SFMBT2: variants seen among roughly 807,000 people sequenced by gnomAD.
SFMBT2 encodes the protein scm-like with four MBT domains protein 2.
Under a neutral mutation model 110.1 loss-of-function variants are expected in SFMBT2, and 38 were observed. The ratio of observed to expected loss-of-function variants is 0.35; its 90% CI spans 0.27 to 0.45. The LOEUF is 0.45. SFMBT2 is among the 20% of genes least tolerant of loss of function. SFMBT2 has a pLI of 1.00. For missense variants in SFMBT2, 1,011 were observed against 1,094.9 expected, an observed-to-expected ratio of 0.92 and a Z score of 1.08; for synonymous variants, 425 against 425.4, an observed-to-expected ratio of 1.00 and a Z score of 0.01.
Position 7,163,400 on chromosome 10 carries a change from T to G in SFMBT2, c.*370A>C. On this transcript the variant is annotated 3_prime_UTR_variant, in exon 21 of 21. Coordinates refer to ENST00000397167, the MANE Select transcript of SFMBT2 (RefSeq NM_001387889.1). This position sits in a 1 kb window ranked among gnomAD's most constrained non-coding sequence, Gnocchi z 4.8. ...GGAAACACTACAGCATGGCGTGAGG[T>G]TTCTTCCTTGGCGACATTCTTTGTT... 5.2e-6 allele frequency: 1 copy of G among 193,694 alleles called. No homozygotes were observed. The highest frequency in any genetic ancestry group is 1.1e-5 in the Non-Finnish European group (1 of 94,622). The allele number at this position is 193,694 out of a possible 1,614,324, so 12.0% of individuals were successfully genotyped here.
chr10:7,206,519 T>A, intron 11 of SFMBT2: 1 of 985,340 alleles, frequency 1.0e-6, no homozygotes, highest in Non-Finnish European at 1.2e-6. Flanking sequence ...CAGTTTGGAG[T>A]TACTTTGTTT....
At chr10:7,186,290 T>C (rs1434524342) in intron 16 of SFMBT2, among the ~76,000 whole-genome samples, 1 of 151,878 alleles carries the variant, frequency 6.6e-6, no homozygotes, top group East Asian at 1.9e-4. Context: ...CTAGGGATAA[T>C]CTCACATCCT....
Position 7,172,310 on chromosome 10 carries a change from C to T in SFMBT2, c.2152-152G>A. ...ACCCGTGGGCCCTACGAGGCCCTTC[C>T]CAGCCAAAGCAGCTGGACACACTAC... is the stretch of plus-strand genomic sequence containing the variant. On this transcript the variant is annotated intron_variant, in intron 18 of 20. Coordinates refer to ENST00000397167, the MANE Select transcript of SFMBT2 (RefSeq NM_001387889.1). This position sits in a 1 kb window ranked among gnomAD's most constrained non-coding sequence, Gnocchi z 4.6. 1 of 1,455,256 alleles carries T rather than the reference C, an allele frequency of 6.9e-7. No homozygotes were observed. The highest frequency in any genetic ancestry group is 9.0e-7 in the Non-Finnish European group (1 of 1,106,898). 90.1% of individuals were successfully genotyped at this position (1,455,256 alleles called of 1,614,324 possible).
intron 15 of SFMBT2, among the ~76,000 whole-genome samples, chr10:7,195,752 C>T (rs557909774): frequency 2.0e-4 from 31 of 152,264 alleles, no homozygotes; most frequent in South Asian, 1.2e-3. Flanking sequence ...CAGATGCCTC[C>T]GGTGTGATCT....
intron 10 of SFMBT2, 66 bp downstream of exon 10, chr10:7,227,789 G>A (rs139561916): frequency 5.0e-6 from 7 of 1,410,942 alleles, no homozygotes; most frequent in Non-Finnish European, 6.9e-6. Context: ...TAAAAAGCAA[G>A]TTATAAAACT....
chr10:7,265,802 C>G (rs1484629005), intron 7 of SFMBT2, among the ~76,000 whole-genome samples: 6 of 152,116 alleles, frequency 3.9e-5, no homozygotes, highest in African/African-American at 1.4e-4. Context: ...CTTATATCCC[C>G]ATGAATCCCC....
At chr10:7,345,623 C>A (rs1332347258) in intron 4 of SFMBT2, among the ~76,000 whole-genome samples, 1 of 152,232 alleles carries the variant, frequency 6.6e-6, no homozygotes, top group African/African-American at 2.4e-5. Flanking sequence ...TCCCAAAATG[C>A]TGGGATTACA....
At chr10:7,303,108 G>T (rs1217303786) in intron 4 of SFMBT2, among the ~76,000 whole-genome samples, 1 of 152,130 alleles carries the variant, frequency 6.6e-6, no homozygotes, top group Non-Finnish European at 1.5e-5. Context: ...AATGCATTTG[G>T]ATTATTGCAT....
intron 2 of SFMBT2, among the ~76,000 whole-genome samples, chr10:7,379,727 A>T (rs554984554): frequency 6.6e-6 from 1 of 152,366 alleles, no homozygotes; most frequent in South Asian, 2.1e-4. Context: ...AGATCTGAAC[A>T]TCCTGTATGA....
chr10:7,393,031 ATAT>A (rs1233907231), intron 1 of SFMBT2, among the ~76,000 whole-genome samples: 2 of 32,518 alleles, frequency 6.2e-5, no homozygotes, highest in South Asian at 8.9e-4. Flanking sequence ...ATATATATAT[ATAT>A]AATTTTTTTT....
rs560386402 is a variant in SFMBT2 at position 7,334,186 on chromosome 10, C to T, written c.436+33463G>A. Among the ~76,000 whole-genome samples the T allele has an allele frequency of 9.9e-4, 150 of 152,264 alleles. 1 individual carries two copies. The highest frequency in any genetic ancestry group is 3.5e-3 in the African/African-American group (147 of 41,540). ...GAAAAAGGCAAGCGTCATCCACAGCCGGCCTGGCCGCTGACAGCCAGGCAC... is the reference window on the plus strand; with the variant it reads ...GAAAAAGGCAAGCGTCATCCACAGCTGGCCTGGCCGCTGACAGCCAGGCAC... On this transcript the variant is annotated intron_variant, in intron 4 of 20. Transcript: ENST00000397167.
At chr10:7,340,044 C>T (rs913171787) in intron 4 of SFMBT2, among the ~76,000 whole-genome samples, 1 of 152,156 alleles carries the variant, frequency 6.6e-6, no homozygotes, top group African/African-American at 2.4e-5. Flanking sequence ...CAAGTGAAAG[C>T]CATGCAGGTT....
chr10:7,356,616 T>C (rs1423229937), intron 4 of SFMBT2, among the ~76,000 whole-genome samples: 1 of 152,204 alleles, frequency 6.6e-6, no homozygotes, highest in Non-Finnish European at 1.5e-5. Flanking sequence ...TTTCACCATG[T>C]TGGCCAGGCT....
At chr10:7,275,693 A>G (rs1486567649) in intron 7 of SFMBT2, among the ~76,000 whole-genome samples, 1 of 152,202 alleles carries the variant, frequency 6.6e-6, no homozygotes, top group Non-Finnish European at 1.5e-5. Context: ...ACGTCACAAC[A>G]TAATCACATG....
At chr10:7,179,404 A>C (rs12258389) in intron 16 of SFMBT2, among the ~76,000 whole-genome samples, 160 of 149,202 alleles carry the variant, frequency 1.1e-3, no homozygotes, top group African/African-American at 3.8e-3. Flanking sequence ...AAAAAAAAAA[A>C]AAAAAAAAAA....
chr10:7,313,849 T>C (rs1842919579), intron 4 of SFMBT2, among the ~76,000 whole-genome samples: 1 of 152,186 alleles, frequency 6.6e-6, no homozygotes, highest in South Asian at 2.1e-4. Flanking sequence ...ACACCACTTT[T>C]CTCATCTAAA....
chr10:7,353,451 C>A (rs980713683), intron 4 of SFMBT2, among the ~76,000 whole-genome samples: 2 of 151,724 alleles, frequency 1.3e-5, no homozygotes, highest in African/African-American at 4.8e-5. Context: ...TATGATAAAT[C>A]CTTCCAAAGC....
chr10:7,399,166 A>G (rs1250818703), intron 1 of SFMBT2, among the ~76,000 whole-genome samples: 2 of 152,208 alleles, frequency 1.3e-5, no homozygotes, highest in Admixed American at 1.3e-4. Context: ...GCACTCCTGC[A>G]TTGTAGCTGG....
Position 7,170,607 on chromosome 10 carries a change from T to TG in SFMBT2, c.2544+320dup, listed in dbSNP as rs1350483847. ...GTCGGTGGAGATGGCAGGGGGAGCG[T>TG]GGACTCGCACCCCTCACCTGGCAGC... On this transcript the variant is annotated intron_variant, in intron 20 of 20. Coordinates refer to ENST00000397167, the MANE Select transcript of SFMBT2 (RefSeq NM_001387889.1). The surrounding 1 kb of genome is among the most constrained non-coding windows in gnomAD (Gnocchi z 4.6). Among the ~76,000 whole-genome samples the TG allele has an allele frequency of 2.0e-5, 3 of 151,882 alleles. No homozygotes were observed. The East Asian group carries it at 5.8e-4, about 30-fold the overall frequency.
Sources: gnomAD v4.1 joint callset for allele counts (sites outside exome capture counted in the v4.1 genomes callset) on GRCh38, gnomAD v4.1.1 for gene constraint, Gnocchi (gnomAD v3.1) non-coding constraint, MANE v1.5 for transcripts, NCBI Gene and HGNC (gene_info 2026-07-23, HGNC 2026-07-21) for gene names.